Variants in SCAMP5 observed in about 807,000 individuals in gnomAD.
SCAMP5 encodes secretory carrier membrane protein 5.
Under a neutral mutation model 28.3 loss-of-function variants are expected in SCAMP5, and 7 were observed. That is an observed-to-expected ratio of 0.25 (90% CI 0.14 to 0.46). SCAMP5 has a LOEUF of 0.46. Among genes scored for constraint, SCAMP5 ranks in the 20% least tolerant of loss-of-function variants. The pLI is 0.99. For missense variants in SCAMP5, 192 were observed against 312.5 expected, an observed-to-expected ratio of 0.61 and a Z score of 2.91; for synonymous variants, 117 against 116.4, an observed-to-expected ratio of 1.00 and a Z score of -0.03.
Position 74,996,566 on chromosome 15 carries a change from G to A in SCAMP5, c.-49+893G>A, listed in dbSNP as rs1474928395. Among the ~76,000 whole-genome samples, 2 of 152,176 alleles carry A rather than the reference G, an allele frequency of 1.3e-5. No individual in the cohort carries two copies. The highest frequency in any genetic ancestry group is 1.5e-5 in the Non-Finnish European group (1 of 68,034). On this transcript the variant is annotated intron_variant, in intron 1 of 6. Transcript: ENST00000425597. The surrounding 1 kb of genome is among the most constrained non-coding windows in gnomAD (Gnocchi z 4.1). ...AGAGGTGATGGGATTTGGGTGGGAGGAGAGGCAAGAGAGGGCATTCCAGGA... is the reference window on the plus strand; with the variant it reads ...AGAGGTGATGGGATTTGGGTGGGAGAAGAGGCAAGAGAGGGCATTCCAGGA...
rs1454040811 is a variant in SCAMP5 at position 75,020,802 on chromosome 15, G to A, written c.*1819G>A. ...GCTTCAGCTTGGAACCCAATACCTA[G>A]GCTTACAGGCCATCCTGAGCCAGGG... On this transcript the variant is annotated 3_prime_UTR_variant, in exon 7 of 7. Coordinates refer to ENST00000425597, the MANE Select transcript of SCAMP5 (RefSeq NM_138967.4). 1.3e-5 allele frequency: 2 copies of A among 152,138 alleles called. No homozygotes were observed. The highest frequency in any genetic ancestry group is 2.9e-5 in the Non-Finnish European group (2 of 68,042). 9.4% of individuals were successfully genotyped at this position (152,138 alleles called of 1,614,324 possible).
At chr15:75,007,414 G>T (rs866682295) in intron 1 of SCAMP5, among the ~76,000 whole-genome samples, 1 of 152,068 alleles carries the variant, frequency 6.6e-6, no homozygotes. Context: ...TTGAGACAGG[G>T]TCTTGCTCTG....
chr15:75,013,012 A>C, intron 3 of SCAMP5: 3 of 574,358 alleles, frequency 5.2e-6, no homozygotes, highest in Non-Finnish European at 6.2e-6. Context: ...GTTTCCCTCA[A>C]CCTCCCCCAT....
chr15:75,004,486 T>C (rs912058800), intron 1 of SCAMP5, among the ~76,000 whole-genome samples: 5 of 151,994 alleles, frequency 3.3e-5, no homozygotes, highest in Non-Finnish European at 7.4e-5. Context: ...TCCCAGCACT[T>C]TGGGAGGCCA....
intron 3 of SCAMP5, among the ~76,000 whole-genome samples, chr15:75,014,527 C>T (rs944371810): frequency 1.3e-5 from 2 of 152,222 alleles, no homozygotes; most frequent in African/African-American, 2.4e-5. Context: ...TTGACATTGG[C>T]TGATGTGAAT....
intron 3 of SCAMP5, among the ~76,000 whole-genome samples, chr15:75,013,409 G>A (rs1490207087): frequency 6.6e-6 from 1 of 152,166 alleles, no homozygotes; most frequent in Non-Finnish European, 1.5e-5. Flanking sequence ...ATACCTGTAA[G>A]AGTCTAATGT....
At chr15:75,017,507 C>T in intron 4 of SCAMP5, 1 of 455,646 alleles carries the variant, frequency 2.2e-6, no homozygotes, top group Non-Finnish European at 3.9e-6. Flanking sequence ...ATGAGACCAT[C>T]CATCCATGTA....
intron 1 of SCAMP5, among the ~76,000 whole-genome samples, chr15:75,008,735 C>G (rs149106871): frequency 2.2e-3 from 331 of 152,272 alleles, no homozygotes; most frequent in African/African-American, 7.6e-3. Context: ...CTCCTGACCT[C>G]AAGTGATCCT....
chr15:75,006,622 C>T (rs1331281197), intron 1 of SCAMP5, among the ~76,000 whole-genome samples: 1 of 151,992 alleles, frequency 6.6e-6, no homozygotes, highest in Non-Finnish European at 1.5e-5. Context: ...CCCGTTTCTA[C>T]TAAAAAAATA....
chr15:75,021,345 C>T lies in SCAMP5; in HGVS notation c.*2362C>T, dbSNP rs1362125925. The T allele has an allele frequency of 6.6e-6, 1 of 152,238 alleles. No individual in the cohort carries two copies. Among genetic ancestry groups the T allele is most frequent in the Non-Finnish European group, 1.5e-5 (1 of 68,078 alleles). 9.4% of individuals were successfully genotyped at this position (152,238 alleles called of 1,614,324 possible). A position where few individuals can be genotyped will look rare whatever the true frequency, so the allele number is the denominator to read the frequency against. On this transcript the variant is annotated 3_prime_UTR_variant, in exon 7 of 7. Transcript: ENST00000425597. The stretch of plus-strand genomic sequence containing the variant: ...AGGGCCCAGGTCAGTTCTGGGGTCC[C>T]AGTGACCTGCTTTGCCATTCTCCTG...
intron 1 of SCAMP5, among the ~76,000 whole-genome samples, chr15:74,999,805 A>G (rs1225346179): frequency 6.6e-6 from 1 of 152,198 alleles, no homozygotes; most frequent in East Asian, 1.9e-4. Context: ...TGTCTCAAAA[A>G]TAAATAAATA....
intron 4 of SCAMP5, among the ~76,000 whole-genome samples, chr15:75,017,421 A>G (rs965137363): frequency 6.6e-6 from 1 of 152,156 alleles, no homozygotes; most frequent in Admixed American, 6.5e-5. Context: ...CATCCATCTA[A>G]GTGCCAATTA....
Position 75,018,278 on chromosome 15 carries a change from T to TTTGGGTATCAGTAAGATGGTCCC in SCAMP5, c.396-138_396-116dup, listed in dbSNP as rs2065875637. The TTTGGGTATCAGTAAGATGGTCCC allele has an allele frequency of 1.4e-6, 1 of 701,458 alleles. No individual in the cohort carries two copies. Among genetic ancestry groups the TTTGGGTATCAGTAAGATGGTCCC allele is most frequent in the Non-Finnish European group, 2.6e-6 (1 of 383,590 alleles). The allele number at this position is 701,458 out of a possible 1,614,324, so 43.5% of individuals were successfully genotyped here. ...CTTCTTGAGCCACTGGCACAGGTTC[T>TTTGGGTATCAGTAAGATGGTCCC]TTGGGTATCAGTAAGATGGTCCCTC... On this transcript the variant is annotated intron_variant, in intron 5 of 6. Coordinates refer to ENST00000425597, the MANE Select transcript of SCAMP5 (RefSeq NM_138967.4). The surrounding 1 kb of genome is among the most constrained non-coding windows in gnomAD (Gnocchi z 5.6).
chr15:74,998,331 C>T (rs952455097), intron 1 of SCAMP5, among the ~76,000 whole-genome samples: 7 of 152,110 alleles, frequency 4.6e-5, no homozygotes, highest in Non-Finnish European at 1.0e-4. Context: ...GTTTGGCCGG[C>T]GCGGTGGCTC....
At position 75,017,036 on chromosome 15, in the gene SCAMP5, C is replaced by T. The variant is rs563193186; in HGVS notation, c.293+287C>T. Among the ~76,000 whole-genome samples the T allele has an allele frequency of 2.2e-4, 34 of 152,024 alleles. 1 individual carries two copies. In the South Asian group the frequency reaches 4.6e-3, roughly 21 times the overall value. On this transcript the variant is annotated intron_variant, in intron 4 of 6. Transcript: ENST00000425597. Reference sequence around the variant, plus strand: ...TTCTTCTGTCATCCCCTTCCTCAGGCAGCTGCATGTTAAATTTTGCCTGTG... The same window carrying T: ...TTCTTCTGTCATCCCCTTCCTCAGGTAGCTGCATGTTAAATTTTGCCTGTG...
At chr15:75,000,489 A>G (rs1436472150) in intron 1 of SCAMP5, among the ~76,000 whole-genome samples, 1 of 151,714 alleles carries the variant, frequency 6.6e-6, no homozygotes, top group Non-Finnish European at 1.5e-5. Context: ...GGTTCATGCC[A>G]TTCTCCTGCC....
chr15:75,014,222 TAGGAAG>T (rs1182787682), intron 3 of SCAMP5, among the ~76,000 whole-genome samples: 4 of 151,998 alleles, frequency 2.6e-5, no homozygotes, highest in African/African-American at 9.7e-5. Context: ...CATGGCATGG[TAGGAAG>T]AGGATGGGGC....
In SCAMP5 at chr15:75,019,859, G is replaced by A. The variant is rs1247982373; in HGVS notation, c.*876G>A. 1 of 152,494 alleles carries A rather than the reference G, an allele frequency of 6.6e-6. No homozygotes were observed. The highest frequency in any genetic ancestry group is 1.5e-5 in the Non-Finnish European group (1 of 68,122). The allele number at this position is 152,494 out of a possible 1,614,324, so 9.4% of individuals were successfully genotyped here. A position where few individuals can be genotyped will look rare whatever the true frequency, so the allele number is the denominator to read the frequency against. On this transcript the variant is annotated 3_prime_UTR_variant, in exon 7 of 7. Transcript: ENST00000425597. ...GAAAATGCAAGGATGAGTCTGCTTG[G>A]GCCTGAGAGTTTGATCTGCAGGGGC... is the stretch of plus-strand genomic sequence containing the variant.
Position 75,010,781 on chromosome 15 carries a change from GA to G in SCAMP5, c.-48-1000del, listed in dbSNP as rs60018418. On this transcript the variant is annotated intron_variant, in intron 1 of 6. Transcript: ENST00000425597. ...GGTGACAGAGTGAGACCCTGTCTAA[GA>G]AAAAAAAAAATGTGAAGCTCCTTCC... 5.8e-3 allele frequency among the ~76,000 whole-genome samples: 848 copies of G among 145,100 alleles called. 5 individuals are homozygous for G. Among genetic ancestry groups the G allele is most frequent in the African/African-American group, 0.019 (782 of 40,168 alleles).
Sources: gnomAD v4.1 joint callset for allele counts (sites outside exome capture counted in the v4.1 genomes callset) on GRCh38, gnomAD v4.1.1 for gene constraint, Gnocchi (gnomAD v3.1) non-coding constraint, MANE v1.5 for transcripts, NCBI Gene and HGNC (gene_info 2026-07-23, HGNC 2026-07-21) for gene names.